The following DICER1 variants were observed in gnomAD, a reference collection of about 807,000 sequenced individuals.
The protein encoded by DICER1 is endoribonuclease Dicer.
In DICER1, 43 loss-of-function variants were observed where a neutral mutation model predicts 194.1. That is an observed-to-expected ratio of 0.22 (90% CI 0.17 to 0.29). DICER1 has a LOEUF of 0.29. DICER1 is among the 10% of genes least tolerant of loss of function. The pLI, the probability that DICER1 is intolerant of heterozygous loss-of-function variation, is 1.00. For synonymous variants in DICER1, 832 were observed against 820.5 expected (o/e 1.01, Z -0.24); for missense variants, 1,608 against 2,317.0 (o/e 0.69, Z 6.28).
chr14:95,122,111 A>C (rs917486523), intron 8 of DICER1, among the ~76,000 whole-genome samples: 8 of 152,106 alleles, frequency 5.3e-5, no homozygotes, highest in Non-Finnish European at 1.0e-4. Context: ...CCCTCAGAGC[A>C]CTCTTGATTC....
In DICER1 at chr14:95,117,200, GT is replaced by G. The variant is rs879940261; in HGVS notation, c.1509+421del. On this transcript the variant is annotated intron_variant, in intron 9 of 26. Coordinates refer to ENST00000343455, the MANE Select transcript of DICER1 (RefSeq NM_177438.3). ...GCTAAAATCTATAAAATATAGTGCTGTTTTTTTTTTTAAGAATTGAAACAAA... is the reference window on the plus strand; with the variant it reads ...GCTAAAATCTATAAAATATAGTGCTGTTTTTTTTTTAAGAATTGAAACAAA... Among the ~76,000 whole-genome samples, 1,177 of 142,236 alleles carry G rather than the reference GT, an allele frequency of 8.3e-3. 12 individuals carry two copies. Among genetic ancestry groups the G allele is most frequent in the African/African-American group, 0.029 (1,088 of 37,880 alleles). 93.3% of individuals were successfully genotyped at this position (142,236 alleles called of 152,430 possible).
chr14:95,107,696 G>A lies in DICER1; in HGVS notation c.2716C>T (p.Arg906Cys), dbSNP rs770335698. Residue 906 changes from arginine (R) to cysteine (C), a missense_variant, in exon 17 of 27, where the codon CGC (arginine) becomes TGC (cysteine). By Grantham distance (180) the Arg-to-Cys change is radical. Transcript: ENST00000343455. ...TACTTTGTACTGGGAATGCCTATGC[G>A]AGCTTCAGACTTCTCAATATCTTCC... ...FMEDIEKSEA[R>C]IGIPSTKYTK... 4 of 1,611,964 alleles carry A rather than the reference G, an allele frequency of 2.5e-6. No homozygotes were observed. The highest frequency in any genetic ancestry group is 1.7e-5 in the Admixed American group (1 of 59,920).
At chr14:95,109,832 G>A (rs763878956) in intron 14 of DICER1, among the ~76,000 whole-genome samples, 6 of 152,150 alleles carry the variant, frequency 3.9e-5, no homozygotes, top group African/African-American at 1.2e-4. Context: ...GGTCAGTCAC[G>A]GTCCAATAAC....
At chr14:95,131,037 T>G (rs4905280) in intron 4 of DICER1, among the ~76,000 whole-genome samples, 5 of 152,234 alleles carry the variant, frequency 3.3e-5, no homozygotes, top group Non-Finnish European at 7.3e-5. Flanking sequence ...ATTTGTTTTT[T>G]GGGTTTTTTT....
chr14:95,142,880 G>C (rs998237823), intron 1 of DICER1, among the ~76,000 whole-genome samples: 15 of 152,184 alleles, frequency 9.9e-5, no homozygotes, highest in East Asian at 5.8e-4. Context: ...TAGCAAGAAA[G>C]AGCTAACCAT....
At position 95,105,917 on chromosome 14, in the gene DICER1, A is replaced by G; in HGVS notation, c.2987+124T>C. 3 of 1,407,982 alleles carry G rather than the reference A, an allele frequency of 2.1e-6. No individual in the cohort carries two copies. The highest frequency in any genetic ancestry group is 3.0e-6 in the Non-Finnish European group (3 of 993,180). 87.2% of individuals were successfully genotyped at this position (1,407,982 alleles called of 1,614,324 possible). ...CTACCCCTTGGGCAAGTTTGTGTGCAAAGCATCTCCTGATTTCAGATAGTC... is the reference window on the plus strand; with the variant it reads ...CTACCCCTTGGGCAAGTTTGTGTGCGAAGCATCTCCTGATTTCAGATAGTC... On this transcript the variant is annotated intron_variant, in intron 18 of 26. Coordinates refer to ENST00000343455, the MANE Select transcript of DICER1 (RefSeq NM_177438.3). This position sits in a 1 kb window ranked among gnomAD's most constrained non-coding sequence, Gnocchi z 4.9.
At chr14:95,157,915 C>G (rs1006667994), upstream of DICER1, 1 of 152,318 alleles carries the variant, frequency 6.6e-6, no homozygotes, top group African/African-American at 2.4e-5. Flanking sequence ...GCACCTCCCT[C>G]CCCTTTTTAA....
rs1182787225 is a variant in DICER1, at chr14:95,086,576, T to C, written c.*3922A>G. 4.3e-6 allele frequency: 1 copy of C among 233,252 alleles called. No homozygotes were observed. Among genetic ancestry groups the C allele is most frequent in the African/African-American group, 2.2e-5 (1 of 45,338 alleles). 14.4% of individuals were successfully genotyped at this position (233,252 alleles called of 1,614,324 possible). On this transcript the variant is annotated 3_prime_UTR_variant, in exon 27 of 27. Transcript: ENST00000343455. ...TCTATAAAATTTAAATTGTCTGTGGTTGATGTCCAAATAAAAATGGACTAG... is the reference window on the plus strand; with the variant it reads ...TCTATAAAATTTAAATTGTCTGTGGCTGATGTCCAAATAAAAATGGACTAG...
At chr14:95,142,445 CTG>C (rs1360378038) in intron 1 of DICER1, among the ~76,000 whole-genome samples, 1 of 152,166 alleles carries the variant, frequency 6.6e-6, no homozygotes, top group Admixed American at 6.5e-5. Context: ...ACATGTCCTG[CTG>C]TGTCACCCTC....
chr14:95,103,403 T>G lies in DICER1; in HGVS notation c.3993A>C (p.Leu1331=). ...CATGCGCATCAGGGTAAGTGCAAAA[T>G]AGATATGTGGTGATGGCATGCTTTA... The part of the protein sequence containing the change: ...SFLKHAITTY[L]FCTYPDAHEG... The change falls in exon 21 of 27, where the codon CTA becomes CTC. Residue 1331 remains leucine, a synonymous_variant. Transcript: ENST00000343455. The G allele has an allele frequency of 6.2e-7, 1 of 1,614,134 alleles. No homozygotes were observed. The highest frequency in any genetic ancestry group is 1.1e-5 in the South Asian group (1 of 91,084).
chr14:95,150,891 T>C (rs1447319946), intron 1 of DICER1, among the ~76,000 whole-genome samples: 1 of 151,868 alleles, frequency 6.6e-6, no homozygotes, highest in Non-Finnish European at 1.5e-5. Flanking sequence ...GGGAACAGAG[T>C]CTCGCTCTGT....
Position 95,120,804 on chromosome 14 carries a change from C to T in DICER1, c.1377-3050G>A, listed in dbSNP as rs146406140. Among the ~76,000 whole-genome samples the T allele has an allele frequency of 1.8e-3, 274 of 152,146 alleles. 1 individual carries two copies. The highest frequency in any genetic ancestry group is 6.3e-3 in the African/African-American group (263 of 41,502). On this transcript the variant is annotated intron_variant, in intron 8 of 26. Transcript: ENST00000343455. Reference sequence around the variant, plus strand: ...AGACAGTTACATAAAAAGGATAAACCAGACAAGTTTTCCTTACAGAAGAAT... The same window carrying T: ...AGACAGTTACATAAAAAGGATAAACTAGACAAGTTTTCCTTACAGAAGAAT...
intron 11 of DICER1, among the ~76,000 whole-genome samples, chr14:95,113,429 G>C (rs113367912): frequency 1.3e-5 from 2 of 152,160 alleles, no homozygotes; most frequent in Non-Finnish European, 2.9e-5. Context: ...CTATATCTTC[G>C]ATGCCCAACA....
At chr14:95,138,327 GA>G (rs781608618) in intron 1 of DICER1, among the ~76,000 whole-genome samples, 69 of 137,918 alleles carry the variant, frequency 5.0e-4, no homozygotes, top group African/African-American at 7.7e-4. Context: ...AAAAAAAGTG[GA>G]AAAAAAAAAC....
At chr14:95,138,994 TAAAAA>T (rs67050539) in intron 1 of DICER1, among the ~76,000 whole-genome samples, 21 of 135,966 alleles carry the variant, frequency 1.5e-4, no homozygotes, top group Non-Finnish European at 2.7e-4. Flanking sequence ...AATAAAAAAA[TAAAAA>T]AAAAAAAAAA....
Position 95,095,907 on chromosome 14 carries a change from C to T in DICER1, c.5013G>A (p.Lys1671=), listed in dbSNP as rs751819396. Reference sequence around the variant, plus strand: ...TATTCTTGAATCTGTAGTTGATTTTCTTTTCAAAATTTTCAAACCCCGATA... The same window carrying T: ...TATTCTTGAATCTGTAGTTGATTTTTTTTTCAAAATTTTCAAACCCCGATA... ...HLISGFENFE[K]KINYRFKNKA... is the part of the protein sequence containing the mutation. The change falls in exon 23 of 27, where the codon AAG becomes AAA. Residue 1671 remains lysine, a synonymous_variant. Coordinates refer to ENST00000343455, the MANE Select transcript of DICER1 (RefSeq NM_177438.3). The T allele has an allele frequency of 1.9e-6, 3 of 1,614,114 alleles. No individual in the cohort carries two copies. The highest frequency in any genetic ancestry group is 2.5e-6 in the Non-Finnish European group (3 of 1,179,982).
chr14:95,133,137 C>T (rs1415872695), intron 2 of DICER1, among the ~76,000 whole-genome samples, 178 bp downstream of exon 2: 1 of 152,054 alleles, frequency 6.6e-6, no homozygotes, highest in East Asian at 1.9e-4. Flanking sequence ...AATCCAATTA[C>T]CCAGCAGATG....
intron 1 of DICER1, among the ~76,000 whole-genome samples, chr14:95,148,259 TCCCTCCCCA>T (rs1226750252): frequency 6.6e-6 from 1 of 152,056 alleles, no homozygotes; most frequent in Non-Finnish European, 1.5e-5. Context: ...CAGCCCCTCT[TCCCTCCCCA>T]GAGGTTGGAG....
chr14:95,090,873 G>C (rs1460585527), intron 26 of DICER1, 161 bp downstream of exon 26: 3 of 964,042 alleles, frequency 3.1e-6, no homozygotes, highest in Non-Finnish European at 4.7e-6. Context: ...CATAAAAACA[G>C]AAGGAAAAAA....
Sources: allele counts gnomAD v4.1 joint callset (sites outside exome capture counted in the v4.1 genomes callset), GRCh38; gene constraint gnomAD v4.1.1; non-coding constraint Gnocchi (gnomAD v3.1); transcripts MANE v1.5; gene names NCBI Gene and HGNC (gene_info 2026-07-23, HGNC 2026-07-21).